MYRIP: variants seen among roughly 807,000 people sequenced by gnomAD.
MYRIP encodes rab effector MyRIP.
A neutral mutation model predicts 98.0 loss-of-function variants in MYRIP; 49 were observed. That is an observed-to-expected ratio of 0.50 (90% CI 0.40 to 0.63). MYRIP has a LOEUF of 0.63. Among genes scored for constraint, MYRIP ranks in the 30% least tolerant of loss-of-function variants. MYRIP has a pLI of 0.00. For missense variants in MYRIP, 1,004 were observed against 1,058.2 expected (o/e 0.95, Z 0.71); for synonymous variants, 404 against 409.5 (o/e 0.99, Z 0.16).
intron 4 of MYRIP, among the ~76,000 whole-genome samples, chr3:40,155,815 C>T (rs1463023590): frequency 6.6e-6 from 1 of 152,082 alleles, no homozygotes; most frequent in Non-Finnish European, 1.5e-5. Context: ...TGTTCATGTC[C>T]TTTGACCACT....
rs138641465 is a variant in MYRIP at position 39,900,953 on chromosome 3, G to A, written c.110+27G>A. On this transcript the variant is annotated intron_variant, in intron 2 of 16. Transcript: ENST00000302541. The stretch of plus-strand genomic sequence containing the variant: ...TGAGATGCCTGTTTTGCTCAGCAGC[G>A]TACAGCAAACCACATGTGGACAAGC... The A allele has an allele frequency of 6.5e-5, 102 of 1,564,878 alleles. 1 individual carries two copies. Among genetic ancestry groups the A allele is most frequent in the Middle Eastern group, 3.3e-4 (2 of 5,994 alleles).
intron 2 of MYRIP, among the ~76,000 whole-genome samples, chr3:39,914,998 A>G (rs1559520603): frequency 6.6e-6 from 1 of 152,202 alleles, no homozygotes; most frequent in East Asian, 1.9e-4. Flanking sequence ...ATGTGTTCTA[A>G]TGGTGATTTA....
intron 2 of MYRIP, among the ~76,000 whole-genome samples, chr3:39,910,222 C>T (rs570255250): frequency 1.9e-4 from 29 of 152,194 alleles, no homozygotes; most frequent in South Asian, 8.3e-4. Context: ...ATGGGAGAAC[C>T]GAGGCTCTAA....
chr3:40,111,822 A>G (rs976737996), intron 3 of MYRIP, among the ~76,000 whole-genome samples: 12 of 152,184 alleles, frequency 7.9e-5, no homozygotes, highest in Non-Finnish European at 1.8e-4. Context: ...CTAAGAAGGC[A>G]AGCAGGTGGT....
intron 11 of MYRIP, among the ~76,000 whole-genome samples, chr3:40,227,055 C>G (rs1279876485): frequency 2.0e-5 from 3 of 152,216 alleles, no homozygotes; most frequent in Admixed American, 1.3e-4. Flanking sequence ...GCTCACAGTG[C>G]AGGACAGATC....
At chr3:40,249,655 T>C (rs1953313738) in intron 13 of MYRIP, among the ~76,000 whole-genome samples, 1 of 152,204 alleles carries the variant, frequency 6.6e-6, no homozygotes, top group African/African-American at 2.4e-5. Context: ...AAAGAAAATC[T>C]GAGCTCTCTC....
chr3:39,823,959 G>A (rs926661101), intron 1 of MYRIP, among the ~76,000 whole-genome samples: 2 of 151,802 alleles, frequency 1.3e-5, no homozygotes, highest in Non-Finnish European at 2.9e-5. Flanking sequence ...TTTCCCCTAT[G>A]TTTTTATCTA....
chr3:39,894,600 T>C (rs1316538202), intron 1 of MYRIP, among the ~76,000 whole-genome samples: 2 of 152,238 alleles, frequency 1.3e-5, no homozygotes, highest in Non-Finnish European at 2.9e-5. Flanking sequence ...TGGTAAACTA[T>C]ATGCTGCATT....
At chr3:40,139,318 C>A (rs1949846770) in intron 3 of MYRIP, among the ~76,000 whole-genome samples, 1 of 152,076 alleles carries the variant, frequency 6.6e-6, no homozygotes, top group African/African-American at 2.4e-5. Context: ...CGGGTTTTGA[C>A]AAATATATAC....
At chr3:39,828,570 G>A (rs1315989804) in intron 1 of MYRIP, among the ~76,000 whole-genome samples, 1 of 151,964 alleles carries the variant, frequency 6.6e-6, no homozygotes, top group Non-Finnish European at 1.5e-5. Context: ...GAGGCTGGTG[G>A]ACCCATCACC....
At chr3:39,975,227 A>C (rs2125750847) in intron 2 of MYRIP, among the ~76,000 whole-genome samples, 1 of 152,302 alleles carries the variant, frequency 6.6e-6, no homozygotes, top group Admixed American at 6.5e-5. Flanking sequence ...GTGTGCAAAA[A>C]TCACAAGCAT....
chr3:39,928,578 T>G (rs910150599), intron 2 of MYRIP, among the ~76,000 whole-genome samples: 2 of 151,202 alleles, frequency 1.3e-5, no homozygotes, highest in African/African-American at 4.9e-5. Flanking sequence ...TTAAGAAAAA[T>G]TATGTGATCA....
At chr3:40,209,487 G>A (rs1951864268) in intron 10 of MYRIP, among the ~76,000 whole-genome samples, 1 of 152,030 alleles carries the variant, frequency 6.6e-6, no homozygotes, top group Non-Finnish European at 1.5e-5. Flanking sequence ...AGTGAATATG[G>A]AAAGTTTTAG....
At chr3:40,223,140 G>A (rs1952383688) in intron 11 of MYRIP, among the ~76,000 whole-genome samples, 1 of 152,220 alleles carries the variant, frequency 6.6e-6, no homozygotes, top group Non-Finnish European at 1.5e-5. Flanking sequence ...GAAAGATGGT[G>A]TAAAGATGAA....
chr3:40,008,486 G>A (rs1946682724), intron 2 of MYRIP, among the ~76,000 whole-genome samples: 1 of 152,164 alleles, frequency 6.6e-6, no homozygotes, highest in African/African-American at 2.4e-5. Context: ...CAGGCTGTAA[G>A]TCCCTGCTTT....
At chr3:39,869,399 ATT>A (rs1309669894) in intron 1 of MYRIP, among the ~76,000 whole-genome samples, 1 of 151,912 alleles carries the variant, frequency 6.6e-6, no homozygotes, top group African/African-American at 2.4e-5. Context: ...CAGAATTTTA[ATT>A]TGTTTTTTTT....
intron 1 of MYRIP, among the ~76,000 whole-genome samples, 185 bp downstream of exon 1, chr3:39,810,101 A>G (rs1386431474): frequency 6.6e-6 from 1 of 152,144 alleles, no homozygotes; most frequent in Non-Finnish European, 1.5e-5. Context: ...CGGAGGGGCG[A>G]GGGGCGCGGG....
chr3:40,099,934 G>C (rs1239281165), intron 3 of MYRIP: 2 of 928,624 alleles, frequency 2.2e-6, no homozygotes, highest in Non-Finnish European at 2.6e-6. Context: ...TGTTGCACAT[G>C]TGTTGATGGA....
At chr3:39,889,923 C>T (rs13079551) in intron 1 of MYRIP, among the ~76,000 whole-genome samples, 29,885 of 151,960 alleles carry the variant, frequency 0.2, 3,382 homozygotes, top group Middle Eastern at 0.26. Flanking sequence ...ACAATCCACA[C>T]CAGGATAATT....
Sources: gnomAD v4.1 joint callset for allele counts (sites outside exome capture counted in the v4.1 genomes callset) on GRCh38, gnomAD v4.1.1 for gene constraint, MANE v1.5 for transcripts, NCBI Gene and HGNC (gene_info 2026-07-23, HGNC 2026-07-21) for gene names.